Variants in PRKX observed in about 807,000 individuals in gnomAD.
PRKX encodes protein kinase cAMP-dependent X-linked catalytic subunit, also known as cAMP-dependent protein kinase catalytic subunit PRKX.
Under a neutral mutation model 22.0 loss-of-function variants are expected in PRKX, and 12 were observed. The observed-to-expected ratio is 0.54, with a 90% confidence interval of 0.35 to 0.88. The LOEUF is 0.88. Among genes scored for constraint, PRKX ranks in the 40% least tolerant of loss-of-function variants. The pLI is 0.01. For missense variants in PRKX, 217 were observed against 308.0 expected (o/e 0.70, Z 2.21); for synonymous variants, 134 against 137.7 (o/e 0.97, Z 0.19).
At chrX:3,675,825 C>T (rs1927941643) in intron 1 of PRKX, among the ~76,000 whole-genome samples, 1 of 111,378 alleles carries the variant, frequency 9.0e-6, no homozygotes, top group Non-Finnish European at 1.9e-5. Context: ...GTTAATGGAA[C>T]GAATAGTGCA....
chrX:3,655,411 A>G lies in PRKX; in HGVS notation c.337T>C (p.Phe113Leu). The G allele has an allele frequency of 8.3e-7, 1 of 1,211,821 alleles. No homozygotes were observed. Among genetic ancestry groups the G allele is most frequent in the Non-Finnish European group, 1.1e-6 (1 of 895,507 alleles). ...AAGCGCTCGTCATGCCACGTCCAGA[A>G]CCTGCGGGGACAGACAGCACATGCT... ...EVSHPFLIRL[F>L]WTWHDERFLY... Residue 113 changes from phenylalanine to leucine, a missense_variant and splice_region_variant, in exon 3 of 9, where the codon TTC becomes CTC. Transcript: ENST00000262848.
chrX:3,709,748 C>T (rs956681524), intron 1 of PRKX, among the ~76,000 whole-genome samples: 1 of 111,720 alleles, frequency 9.0e-6, no homozygotes, highest in Non-Finnish European at 1.9e-5. Flanking sequence ...TCATCCTCTT[C>T]TCTCTACATA....
intron 4 of PRKX, among the ~76,000 whole-genome samples, chrX:3,638,535 C>G (rs1926944142): frequency 1.8e-5 from 2 of 111,490 alleles, no homozygotes; most frequent in Non-Finnish European, 3.8e-5. Context: ...ATCAATATGC[C>G]TAAGTTATTT....
At position 3,606,781 on chromosome X, in the gene PRKX, T is replaced by C. The variant is rs1043160405; in HGVS notation, c.*2188A>G. Reference sequence around the variant, plus strand: ...GGCCATTTAAACTATGACCCCGCCATGGGCAGTTACCAGGTAGCTTGTGTC... The same window carrying C: ...GGCCATTTAAACTATGACCCCGCCACGGGCAGTTACCAGGTAGCTTGTGTC... On this transcript the variant is annotated 3_prime_UTR_variant, in exon 9 of 9. Coordinates refer to ENST00000262848, the MANE Select transcript of PRKX (RefSeq NM_005044.5). The C allele has an allele frequency of 8.9e-6, 1 of 112,423 alleles. No individual in the cohort carries two copies. Among genetic ancestry groups the C allele is most frequent in the African/African-American group, 3.2e-5 (1 of 30,948 alleles). 9.3% of individuals were successfully genotyped at this position (112,423 alleles called of 1,213,427 possible). A position where few individuals can be genotyped will look rare whatever the true frequency, so the allele number is the denominator to read the frequency against.
In PRKX at chrX:3,604,725, G is replaced by A. The variant is rs1926124623; in HGVS notation, c.*4244C>T. 8.9e-6 allele frequency: 1 copy of A among 112,084 alleles called. No individual in the cohort carries two copies. The highest frequency in any genetic ancestry group is 3.2e-5 in the African/African-American group (1 of 30,788). The allele number at this position is 112,084 out of a possible 1,213,427, so 9.2% of individuals were successfully genotyped here. A position where few individuals can be genotyped will look rare whatever the true frequency, so the allele number is the denominator to read the frequency against. On this transcript the variant is annotated 3_prime_UTR_variant, in exon 9 of 9. Coordinates refer to ENST00000262848, the MANE Select transcript of PRKX (RefSeq NM_005044.5). ...AGAATTCAGCTACGACAGTTGAGCA[G>A]AGCTCAACAGCCATCTCAGAGCACA...
At chrX:3,705,439 C>T (rs895485443) in intron 1 of PRKX, among the ~76,000 whole-genome samples, 3 of 110,599 alleles carry the variant, frequency 2.7e-5, no homozygotes, top group African/African-American at 9.9e-5. Flanking sequence ...TGATGGTGGC[C>T]CCAGACTTGG....
At chrX:3,687,734 G>A (rs930046680) in intron 1 of PRKX, among the ~76,000 whole-genome samples, 1 of 109,097 alleles carries the variant, frequency 9.2e-6, no homozygotes, top group Non-Finnish European at 1.9e-5. Flanking sequence ...AGGTGAGGGT[G>A]GATGAGCCCT....
chrX:3,658,104 C>T (rs1167921597), intron 2 of PRKX, among the ~76,000 whole-genome samples: 1 of 110,407 alleles, frequency 9.1e-6, no homozygotes, highest in Admixed American at 9.7e-5. Context: ...GATTCTCCTG[C>T]CTCAGCCTCC....
chrX:3,677,325 G>T (rs201081119), intron 1 of PRKX, among the ~76,000 whole-genome samples: 5 of 48,041 alleles, frequency 1.0e-4, no homozygotes, highest in African/African-American at 1.1e-4. Flanking sequence ...ATATTGTTTT[G>T]TCTTTTTTTT....
At chrX:3,618,671 T>C (rs1191825870) in intron 6 of PRKX, among the ~76,000 whole-genome samples, 1 of 111,770 alleles carries the variant, frequency 8.9e-6, no homozygotes, top group Non-Finnish European at 1.9e-5. Context: ...TTTCAGTTTA[T>C]CTCCATATCA....
At chrX:3,642,588 C>T (rs1165351201) in intron 3 of PRKX, among the ~76,000 whole-genome samples, 1 of 110,861 alleles carries the variant, frequency 9.0e-6, no homozygotes, top group African/African-American at 3.3e-5. Flanking sequence ...ACCCATGTAA[C>T]AAACCTGCAC....
At chrX:3,699,601 G>A (rs770514424) in intron 1 of PRKX, among the ~76,000 whole-genome samples, 30 of 111,097 alleles carry the variant, frequency 2.7e-4, no homozygotes, top group Non-Finnish European at 4.9e-4. Flanking sequence ...TGATCCACCC[G>A]CCTTGGCCTC....
chrX:3,689,789 A>G (rs932864571), intron 1 of PRKX, among the ~76,000 whole-genome samples: 10 of 111,768 alleles, frequency 8.9e-5, no homozygotes, highest in Admixed American at 6.7e-4. Flanking sequence ...CATCCTGGCT[A>G]ACACGGTGAA....
Position 3,607,874 on chromosome X carries a change from C to A in PRKX, c.*1095G>T, listed in dbSNP as rs1237243838. 1 of 99,952 alleles carries A rather than the reference C, an allele frequency of 1.0e-5. No individual in the cohort carries two copies. Among genetic ancestry groups the A allele is most frequent in the East Asian group, 3.2e-4 (1 of 3,144 alleles). 8.2% of individuals were successfully genotyped at this position (99,952 alleles called of 1,213,427 possible). On this transcript the variant is annotated 3_prime_UTR_variant, in exon 9 of 9. Transcript: ENST00000262848. Reference sequence around the variant, plus strand: ...CATCTTCAAAAGCACAAAGCCATTGCCTTCTTTTTTTTTTTTTTTTTTTTT... The same window carrying A: ...CATCTTCAAAAGCACAAAGCCATTGACTTCTTTTTTTTTTTTTTTTTTTTT...
chrX:3,701,831 T>C (rs909733105), intron 1 of PRKX, among the ~76,000 whole-genome samples: 7 of 111,648 alleles, frequency 6.3e-5, no homozygotes, highest in South Asian at 3.8e-4. Flanking sequence ...TACACTCCCA[T>C]CAGCGCCATG....
chrX:3,627,620 C>T (rs1206163639), intron 4 of PRKX, among the ~76,000 whole-genome samples: 2 of 108,960 alleles, frequency 1.8e-5, no homozygotes, highest in African/African-American at 6.7e-5. Flanking sequence ...TGCCACCATG[C>T]CAGCTAATTT....
At chrX:3,653,936 T>A (rs1927410835) in intron 3 of PRKX, among the ~76,000 whole-genome samples, 1 of 73,926 alleles carries the variant, frequency 1.4e-5, no homozygotes, top group Non-Finnish European at 2.3e-5. Context: ...TATTATATAC[T>A]ATGTGATATA....
intron 1 of PRKX, among the ~76,000 whole-genome samples, chrX:3,681,648 CA>C (rs1344300695): frequency 3.4e-5 from 3 of 89,399 alleles, no homozygotes; most frequent in African/African-American, 7.5e-5. Flanking sequence ...GATTTTGTCT[CA>C]AAAAAAAATT....
chrX:3,623,771 C>A (rs1490073545), intron 5 of PRKX, among the ~76,000 whole-genome samples: 1 of 111,223 alleles, frequency 9.0e-6, no homozygotes, highest in East Asian at 2.8e-4. Context: ...ATTTTATTTA[C>A]GATCCTGGCA....
Sources: allele counts gnomAD v4.1 joint callset (sites outside exome capture counted in the v4.1 genomes callset), GRCh38; gene constraint gnomAD v4.1.1; transcripts MANE v1.5; gene names NCBI Gene and HGNC (gene_info 2026-07-23, HGNC 2026-07-21).